ZNF354B: variants seen among roughly 807,000 people sequenced by gnomAD.
ZNF354B encodes the protein zinc finger protein 354B.
In ZNF354B, 10 loss-of-function variants were observed where a neutral mutation model predicts 12.9. The observed-to-expected ratio is 0.77, with a 90% CI of 0.48 to 1.31. The LOEUF is 1.31. Among genes scored for constraint, ZNF354B ranks in the 40% most tolerant of loss-of-function variants. The pLI is 0.00. For synonymous variants in ZNF354B, 260 were observed against 243.7 expected, an observed-to-expected ratio of 1.07 and a Z score of -0.62; for missense variants, 614 against 711.7, an observed-to-expected ratio of 0.86 and a Z score of 1.56.
At chr5:178,882,570 A>G in intron 4 of ZNF354B, 139 bp from the exon 5 acceptor site, 1 of 771,158 alleles carries the variant, frequency 1.3e-6, no homozygotes, top group Non-Finnish European at 1.9e-6. Flanking sequence ...CCATTATTTT[A>G]TATAGTGTTT....
intron 2 of ZNF354B, among the ~76,000 whole-genome samples, chr5:178,862,363 T>A: frequency 2.2e-5 from 1 of 45,870 alleles, no homozygotes; most frequent in Non-Finnish European, 4.3e-5. Context: ...TGGCATTATC[T>A]TTTTTTTTTT....
chr5:178,881,273 TATG>T, intron 4 of ZNF354B, among the ~76,000 whole-genome samples: 2 of 150,720 alleles, frequency 1.3e-5, no homozygotes, highest in South Asian at 4.1e-4. Context: ...GGGCAGGTGC[TATG>T]ATGTCTGTTG....
intron 4 of ZNF354B, among the ~76,000 whole-genome samples, chr5:178,870,702 T>C (rs1757549381): frequency 6.6e-6 from 1 of 152,200 alleles, no homozygotes; most frequent in Admixed American, 6.5e-5. Flanking sequence ...GACTGTCTTT[T>C]CCTGATTTGC....
chr5:178,869,913 G>A (rs1166971966), intron 4 of ZNF354B, among the ~76,000 whole-genome samples: 2 of 152,154 alleles, frequency 1.3e-5, no homozygotes, highest in Non-Finnish European at 2.9e-5. Context: ...ATTGCCCCAG[G>A]ACAGCTTCCT....
At position 178,883,238 on chromosome 5, in the gene ZNF354B, A is replaced by G; in HGVS notation, c.786A>G (p.Arg262=). Residue 262 remains arginine (R), a synonymous_variant, in exon 5 of 5, where the codon AGA becomes AGG. Transcript: ENST00000322434. The stretch of plus-strand genomic sequence containing the variant: ...GTTCTGCTCTTATTCAACATCAAAG[A>G]ACTCATACAGGAGAGAAACCCTATA... ...SQSSALIQHQ[R]THTGEKPYIC... 1 of 1,612,582 alleles carries G rather than the reference A, an allele frequency of 6.2e-7. No homozygotes were observed. Among genetic ancestry groups the G allele is most frequent in the Non-Finnish European group, 8.5e-7 (1 of 1,179,692 alleles).
chr5:178,868,370 G>C (rs1757497573), intron 4 of ZNF354B, among the ~76,000 whole-genome samples: 1 of 149,740 alleles, frequency 6.7e-6, no homozygotes, highest in Admixed American at 6.6e-5. Flanking sequence ...CGTGGCAGTG[G>C]GGGACTGAGA....
intron 2 of ZNF354B, among the ~76,000 whole-genome samples, chr5:178,862,812 CCTT>C (rs1757382293): frequency 6.6e-6 from 1 of 152,202 alleles, no homozygotes; most frequent in Admixed American, 6.5e-5. Context: ...CTGACTAGAA[CCTT>C]CTCCATCCCT....
rs764661180 is a variant in ZNF354B, at chr5:178,883,944, G to A, written c.1492G>A (p.Glu498Lys). 12 of 1,613,950 alleles carry A rather than the reference G, an allele frequency of 7.4e-6. No individual in the cohort carries two copies. In the South Asian group the frequency reaches 7.7e-5, roughly 10 times the overall value. ...HTGERPYKCN[E>K]CDKTFRCNSS... is the part of the protein sequence containing the mutation. ...TGGAGAAAGACCCTATAAGTGTAAC[G>A]AATGTGACAAAACATTCAGGTGTAA... Residue 498 changes from glutamate to lysine, a missense_variant, in exon 5 of 5, where the codon GAA becomes AAA. Coordinates refer to ENST00000322434, the MANE Select transcript of ZNF354B (RefSeq NM_058230.3).
intron 4 of ZNF354B, among the ~76,000 whole-genome samples, chr5:178,874,172 G>A (rs895772648): frequency 6.6e-6 from 1 of 152,100 alleles, no homozygotes; most frequent in Non-Finnish European, 1.5e-5. Flanking sequence ...GGCCAGGCTG[G>A]TCTCGAACTC....
chr5:178,865,953 T>C (rs1411012383), intron 2 of ZNF354B, among the ~76,000 whole-genome samples: 2 of 152,206 alleles, frequency 1.3e-5, no homozygotes, highest in Non-Finnish European at 2.9e-5. Context: ...TAGTTCTAAG[T>C]TCTTATGTAT....
intron 4 of ZNF354B, among the ~76,000 whole-genome samples, chr5:178,879,999 G>A (rs1447443934): frequency 6.6e-6 from 1 of 151,920 alleles, no homozygotes. Context: ...GGTGGCATGT[G>A]CCTGTAGTCC....
chr5:178,878,386 A>G (rs1757668596), intron 4 of ZNF354B, among the ~76,000 whole-genome samples: 1 of 152,030 alleles, frequency 6.6e-6, no homozygotes, highest in Non-Finnish European at 1.5e-5. Context: ...CCGTCTCAAA[A>G]AAAAAAAAAA....
At chr5:178,871,647 C>T (rs1028929159) in intron 4 of ZNF354B, among the ~76,000 whole-genome samples, 8 of 152,218 alleles carry the variant, frequency 5.3e-5, no homozygotes, top group Middle Eastern at 3.4e-3. Context: ...AATGAATGCA[C>T]GAGTGACTTG....
At chr5:178,865,866 A>C (rs1757440439) in intron 2 of ZNF354B, among the ~76,000 whole-genome samples, 1 of 151,926 alleles carries the variant, frequency 6.6e-6, no homozygotes, top group African/African-American at 2.4e-5. Context: ...TTTGCTACTA[A>C]CACCATGATA....
At chr5:178,869,184 C>T (rs1468891172) in intron 4 of ZNF354B, among the ~76,000 whole-genome samples, 9 of 152,264 alleles carry the variant, frequency 5.9e-5, no homozygotes, top group Middle Eastern at 3.4e-3. Context: ...GGAACCTGAC[C>T]GCCACAGTGC....
intron 4 of ZNF354B, among the ~76,000 whole-genome samples, chr5:178,868,880 G>A (rs1370625733): frequency 6.6e-6 from 1 of 151,812 alleles, no homozygotes; most frequent in African/African-American, 2.4e-5. Flanking sequence ...ACTGAGGCAG[G>A]AGAATGGCGT....
rs1757355088 is a variant in ZNF354B at position 178,861,962 on chromosome 5, A to G, written c.33+882A>G. ...GCACTGAGTAGTTACTGCTCAGCAT[A>G]TGGTGGTTGTGTTTGCTGAGTGACA... On this transcript the variant is annotated intron_variant, in intron 2 of 4. Coordinates refer to ENST00000322434, the MANE Select transcript of ZNF354B (RefSeq NM_058230.3). 2.0e-5 allele frequency among the ~76,000 whole-genome samples: 3 copies of G among 152,144 alleles called. No homozygotes were observed. The South Asian group carries it at 6.2e-4, about 32-fold the overall frequency.
chr5:178,871,907 T>A (rs2114016742), intron 4 of ZNF354B, among the ~76,000 whole-genome samples: 1 of 152,332 alleles, frequency 6.6e-6, no homozygotes, highest in East Asian at 1.9e-4. Flanking sequence ...TTTTACTTTT[T>A]TTAGAAAATT....
Position 178,884,403 on chromosome 5 carries a change from C to G in ZNF354B, c.*112C>G. On this transcript the variant is annotated 3_prime_UTR_variant, in exon 5 of 5. Transcript: ENST00000322434. ...TCAGATACTAAGTTTTAAGAATAAA[C>G]TTTAGCTATGTAATAACTTATGGGA... 1 of 1,183,696 alleles carries G rather than the reference C, an allele frequency of 8.4e-7. No homozygotes were observed. The highest frequency in any genetic ancestry group is 1.2e-6 in the Non-Finnish European group (1 of 864,006). The allele number at this position is 1,183,696 out of a possible 1,614,324, so 73.3% of individuals were successfully genotyped here. A position where few individuals can be genotyped will look rare whatever the true frequency, so the allele number is the denominator to read the frequency against.
Sources: allele counts gnomAD v4.1 joint callset (sites outside exome capture counted in the v4.1 genomes callset), GRCh38; gene constraint gnomAD v4.1.1; transcripts MANE v1.5; gene names NCBI Gene and HGNC (gene_info 2026-07-23, HGNC 2026-07-21).